SUFU: variants seen among roughly 807,000 people sequenced by gnomAD.
The protein encoded by SUFU is suppressor of fused homolog.
In SUFU, 7 loss-of-function variants were observed where a neutral mutation model predicts 58.9. The ratio of observed to expected loss-of-function variants is 0.12; its 90% CI spans 0.07 to 0.22. The LOEUF is 0.22. Ranked by LOEUF, SUFU falls within the 10% of genes least tolerant of loss-of-function variation. SUFU has a pLI of 1.00. For synonymous variants in SUFU, 232 were observed against 254.8 expected, an observed-to-expected ratio of 0.91 and a Z score of 0.85; for missense variants, 451 against 641.3, an observed-to-expected ratio of 0.70 and a Z score of 3.20.
intron 3 of SUFU, among the ~76,000 whole-genome samples, chr10:102,581,279 A>G (rs1054039110): frequency 2.0e-5 from 3 of 151,334 alleles, no homozygotes; most frequent in African/African-American, 7.3e-5. Context: ...CAGTGGGGGC[A>G]GTAGGCAGAC....
intron 2 of SUFU, among the ~76,000 whole-genome samples, chr10:102,542,445 T>TA (rs112067256): frequency 0.048 from 5,854 of 123,198 alleles, 116 homozygotes; most frequent in African/African-American, 0.079. Context: ...TATATATATA[T>TA]TTTTTTTTAA....
intron 3 of SUFU, among the ~76,000 whole-genome samples, chr10:102,589,462 T>TTTTTTTTTGTTG (rs2063372647): frequency 7.0e-6 from 1 of 142,060 alleles, no homozygotes; most frequent in Non-Finnish European, 1.5e-5. Context: ...TTTTTTTTTT[T>TTTTTTTTTGTTG]TGAGACAGTG....
chr10:102,512,545 T>C (rs745609057), intron 2 of SUFU, among the ~76,000 whole-genome samples: 8 of 152,252 alleles, frequency 5.3e-5, no homozygotes, highest in Non-Finnish European at 8.8e-5. Context: ...ACCTTTCTTA[T>C]TGTTTTTTTC....
At chr10:102,533,789 T>C (rs2062704453) in intron 2 of SUFU, among the ~76,000 whole-genome samples, 2 of 152,204 alleles carry the variant, frequency 1.3e-5, no homozygotes, top group Non-Finnish European at 2.9e-5. Flanking sequence ...CACTGTAAGA[T>C]CATCCCCATC....
chr10:102,514,169 G>A (rs2062436274), intron 2 of SUFU, among the ~76,000 whole-genome samples: 1 of 152,080 alleles, frequency 6.6e-6, no homozygotes, highest in African/African-American at 2.4e-5. Context: ...TTGCAGGCAA[G>A]AGCCAGTGCT....
intron 2 of SUFU, among the ~76,000 whole-genome samples, chr10:102,540,894 C>T (rs1322776584): frequency 2.0e-5 from 3 of 151,502 alleles, no homozygotes; most frequent in African/African-American, 7.3e-5. Context: ...TGATGGTGTG[C>T]GCCTGTAATC....
chr10:102,615,549 C>T, intron 9 of SUFU, 147 bp downstream of exon 9: 11 of 1,245,094 alleles, frequency 8.8e-6, no homozygotes, highest in Non-Finnish European at 1.3e-5. Context: ...TCCCGTCTCC[C>T]TGTCTCCCTG....
chr10:102,568,952 A>ACATATATATATATATG (rs2063133025), intron 3 of SUFU, among the ~76,000 whole-genome samples: 1 of 102,668 alleles, frequency 9.7e-6, no homozygotes, highest in African/African-American at 3.7e-5. Context: ...ATATATATAT[A>ACATATATATATATATG]TATATATATA....
chr10:102,549,773 G>A (rs1421223525), intron 2 of SUFU, among the ~76,000 whole-genome samples, 197 bp from the exon 3 acceptor site: 2 of 152,150 alleles, frequency 1.3e-5, no homozygotes, highest in African/African-American at 2.4e-5. Flanking sequence ...CAGCTGGCAG[G>A]AGGATGAGGC....
intron 2 of SUFU, among the ~76,000 whole-genome samples, chr10:102,549,342 G>A (rs2062886874): frequency 6.6e-6 from 1 of 152,224 alleles, no homozygotes; most frequent in Non-Finnish European, 1.5e-5. Context: ...GCACAAGAGA[G>A]TGGGCAAAAG....
intron 3 of SUFU, among the ~76,000 whole-genome samples, chr10:102,576,408 G>A (rs914521305): frequency 1.3e-5 from 2 of 151,890 alleles, no homozygotes; most frequent in East Asian, 1.9e-4. Context: ...GGTATGTCTT[G>A]AAGATCTTTA....
chr10:102,579,605 C>T (rs761502528), intron 3 of SUFU, among the ~76,000 whole-genome samples: 7 of 152,168 alleles, frequency 4.6e-5, no homozygotes, highest in Non-Finnish European at 8.8e-5. Flanking sequence ...GCTAGCTGTG[C>T]GATTCCTTTG....
chr10:102,627,790 G>T (rs2063799485), intron 11 of SUFU, among the ~76,000 whole-genome samples: 1 of 152,218 alleles, frequency 6.6e-6, no homozygotes, highest in Admixed American at 6.5e-5. Flanking sequence ...GGAGCTGGCA[G>T]GCCAGCTGTG....
chr10:102,553,834 C>T (rs2062946171), intron 3 of SUFU, among the ~76,000 whole-genome samples: 1 of 152,182 alleles, frequency 6.6e-6, no homozygotes, highest in Admixed American at 6.6e-5. Flanking sequence ...TGGCTCATGT[C>T]TGTAATTCTA....
At position 102,619,245 on chromosome 10, in the gene SUFU, C is replaced by A; in HGVS notation, c.1296+1817C>A. On this transcript the variant is annotated intron_variant, in intron 10 of 11. Coordinates refer to ENST00000369902, the MANE Select transcript of SUFU (RefSeq NM_016169.4). This position sits in a 1 kb window ranked among gnomAD's most constrained non-coding sequence, Gnocchi z 4.2. ...CCCTTCGGACCCAACCCCAATTCCCCAAGCCCCTGACCCCCTAGCTGCCGG... is the reference window on the plus strand; with the variant it reads ...CCCTTCGGACCCAACCCCAATTCCCAAAGCCCCTGACCCCCTAGCTGCCGG... 6.7e-7 allele frequency: 1 copy of A among 1,492,106 alleles called. No homozygotes were observed. Among genetic ancestry groups the A allele is most frequent in the Non-Finnish European group, 8.9e-7 (1 of 1,121,736 alleles). 92.4% of individuals were successfully genotyped at this position (1,492,106 alleles called of 1,614,324 possible).
At chr10:102,598,610 T>C (rs1220465790) in intron 7 of SUFU, among the ~76,000 whole-genome samples, 2 of 152,270 alleles carry the variant, frequency 1.3e-5, no homozygotes, top group Non-Finnish European at 2.9e-5. Context: ...TTTCAGTCAT[T>C]ACTGGCTATT....
intron 3 of SUFU, among the ~76,000 whole-genome samples, chr10:102,583,865 C>T (rs2063309815): frequency 6.6e-6 from 1 of 152,124 alleles, no homozygotes; most frequent in Non-Finnish European, 1.5e-5. Context: ...CCTCTCCCCA[C>T]CCCACAACAG....
intron 3 of SUFU, among the ~76,000 whole-genome samples, chr10:102,550,364 G>A (rs181021715): frequency 6.6e-6 from 1 of 152,266 alleles, no homozygotes; most frequent in Non-Finnish European, 1.5e-5. Flanking sequence ...CACCCTTGTC[G>A]TGTTTCATGG....
intron 2 of SUFU, among the ~76,000 whole-genome samples, chr10:102,537,388 C>T (rs1313153382): frequency 2.6e-5 from 4 of 152,078 alleles, no homozygotes; most frequent in African/African-American, 9.7e-5. Context: ...ACCTTGGACT[C>T]CTATAGTGCT....
Sources: gnomAD v4.1 joint callset for allele counts (sites outside exome capture counted in the v4.1 genomes callset) on GRCh38, gnomAD v4.1.1 for gene constraint, Gnocchi (gnomAD v3.1) non-coding constraint, MANE v1.5 for transcripts, NCBI Gene and HGNC (gene_info 2026-07-23, HGNC 2026-07-21) for gene names.